Variants in CEP250 observed in about 807,000 individuals in gnomAD.
The protein encoded by CEP250 is centrosomal protein 250.
In CEP250, 242 loss-of-function variants were observed where a neutral mutation model predicts 315.7. The ratio of observed to expected loss-of-function variants is 0.77; its 90% CI spans 0.69 to 0.85. CEP250 has a LOEUF of 0.85. Among genes scored for constraint, CEP250 ranks in the 40% least tolerant of loss-of-function variants. CEP250 has a pLI of 0.00. For synonymous variants in CEP250, 1,088 were observed against 1,175.0 expected (o/e 0.93, Z 1.51); for missense variants, 2,515 against 2,886.4 (o/e 0.87, Z 2.95).
At chr20:35,508,827 C>T (rs979279153) in intron 32 of CEP250, 116 bp from the exon 33 acceptor site, 12 of 784,172 alleles carry the variant, frequency 1.5e-5, no homozygotes, top group Admixed American at 9.6e-5. Context: ...GTTCTCTTCC[C>T]ATGGTTACTG....
At chr20:35,498,773 C>A in intron 27 of CEP250, 57 bp downstream of exon 27, 1 of 1,503,222 alleles carries the variant, frequency 6.7e-7, no homozygotes, top group Admixed American at 2.5e-5. Context: ...AAGCATGAGG[C>A]AAAGGGGTGT....
At chr20:35,492,649 G>A (rs983025135) in intron 22 of CEP250, among the ~76,000 whole-genome samples, 2 of 152,178 alleles carry the variant, frequency 1.3e-5, no homozygotes, top group Admixed American at 6.5e-5. Flanking sequence ...CGAGTGGAGC[G>A]GTAGCCAGAA....
chr20:35,500,241 A>C (rs755720398), intron 28 of CEP250, 72 bp downstream of exon 28: 824 of 1,577,172 alleles, frequency 5.2e-4, no homozygotes, highest in Non-Finnish European at 6.8e-4. Flanking sequence ...AGTGGCAGGC[A>C]CAGGCCTAGC....
chr20:35,513,224 C>G lies in CEP250; in HGVS notation c.*1598C>G, dbSNP rs2064393634. The G allele has an allele frequency of 6.6e-6, 1 of 152,100 alleles. No homozygotes were observed. The highest frequency in any genetic ancestry group is 2.4e-5 in the African/African-American group (1 of 41,420). 9.4% of individuals were successfully genotyped at this position (152,100 alleles called of 1,614,324 possible). ...GTCAGATTCCCTGTAGCTTAAAATC[C>G]TTACCTGGCTTTTAGGCCATTTATT... is the stretch of plus-strand genomic sequence containing the variant. On this transcript the variant is annotated 3_prime_UTR_variant, in exon 35 of 35. Transcript: ENST00000397527.
rs1332999723 is a variant in CEP250 at position 35,490,698 on chromosome 20, A to C, written c.2648A>C (p.Glu883Ala). 1 of 1,613,696 alleles carries C rather than the reference A, an allele frequency of 6.2e-7. No homozygotes were observed. The highest frequency in any genetic ancestry group is 1.1e-5 in the South Asian group (1 of 91,054). ...AAGGCTCTGGAGAGCTTAGAAAGGG[A>C]AAAAATGGAGCTGGAAATGAGGCTA... ...LAKALESLER[E>A]KMELEMRLKE... Residue 883 changes from glutamate (E) to alanine (A), a missense_variant, in exon 21 of 35, where the codon GAA (glutamate) becomes GCA (alanine). Transcript: ENST00000397527.
At chr20:35,479,132 G>A (rs1398808710) in intron 17 of CEP250, 99 bp from the exon 18 acceptor site, 1 of 1,172,360 alleles carries the variant, frequency 8.5e-7, no homozygotes. Context: ...CACAGAGCTG[G>A]GTCCAGAATC....
rs2063219450 is a variant in CEP250, at chr20:35,477,922, G to A, written c.1915G>A (p.Ala639Thr). 21 of 1,605,506 alleles carry A rather than the reference G, an allele frequency of 1.3e-5. No homozygotes were observed. Among genetic ancestry groups the A allele is most frequent in the African/African-American group, 2.7e-5 (2 of 75,020 alleles). ...VCSRMEAAEQARNALQVDLAE... is the reference protein window; with the variant it reads ...VCSRMEAAEQTRNALQVDLAE... Reference sequence around the variant, plus strand: ...CAGCAGAATGGAGGCCGCAGAGCAGGCGAGAAATGCTTTGCAGGTCGACCT... The same window carrying A: ...CAGCAGAATGGAGGCCGCAGAGCAGACGAGAAATGCTTTGCAGGTCGACCT... Residue 639 changes from alanine to threonine, a missense_variant, in exon 17 of 35, where the codon GCG (alanine) becomes ACG (threonine). Coordinates refer to ENST00000397527, the MANE Select transcript of CEP250 (RefSeq NM_007186.6).
At chr20:35,472,199 CCCAGGTCTCCATGT>C (rs1250668664) in intron 11 of CEP250, 48 bp downstream of exon 11, 2 of 1,091,744 alleles carry the variant, frequency 1.8e-6, no homozygotes, top group Non-Finnish European at 2.8e-6. Context: ...GCCTCCACTC[CCCAGGTCTCCATGT>C]CCTTTCAGTC....
In CEP250 at chr20:35,497,800, G is replaced by A. The variant is rs1158173739; in HGVS notation, c.3388G>A (p.Ala1130Thr). 3.2e-6 allele frequency: 5 copies of A among 1,561,388 alleles called. No individual in the cohort carries two copies. The highest frequency in any genetic ancestry group is 4.3e-6 in the Non-Finnish European group (5 of 1,152,438). Residue 1130 changes from alanine (A) to threonine (T), a missense_variant, in exon 26 of 35, where the codon GCG becomes ACG. Ala to Thr is a moderately conservative substitution (Grantham distance 58). Coordinates refer to ENST00000397527, the MANE Select transcript of CEP250 (RefSeq NM_007186.6). The stretch of plus-strand genomic sequence containing the variant: ...AGCACAGCTGCTGGAGGAGCTGGAG[G>A]CGTCTCATATCACGGAGCAGCAGCT... ...QEAQLLEELE[A>T]SHITEQQLRA...
chr20:35,498,743 A>T, intron 27 of CEP250, 27 bp downstream of exon 27: 7 of 1,547,672 alleles, frequency 4.5e-6, no homozygotes, highest in Non-Finnish European at 6.1e-6. Flanking sequence ...CCCTTTCCCG[A>T]ACTCTTTACA....
chr20:35,470,174 A>G (rs529689683), intron 10 of CEP250, 188 bp downstream of exon 10: 5 of 615,848 alleles, frequency 8.1e-6, no homozygotes, highest in Non-Finnish European at 1.5e-5. Context: ...AATACTATTG[A>G]CTGTCTACTA....
intron 20 of CEP250, among the ~76,000 whole-genome samples, chr20:35,485,645 CTTTTTTTTTTT>C (rs782622070): frequency 8.3e-4 from 28 of 33,818 alleles, no homozygotes; most frequent in African/African-American, 1.1e-3. Context: ...GTCTGCCTGG[CTTTTTTTTTTT>C]TTTTTTTTTT....
chr20:35,456,113 T>C (rs1057217221), intron 1 of CEP250, among the ~76,000 whole-genome samples: 85 of 152,332 alleles, frequency 5.6e-4, no homozygotes, highest in Admixed American at 3.3e-3. Flanking sequence ...CAGGCTGATC[T>C]CGAACTCCCG....
Position 35,502,708 on chromosome 20 carries a change from C to G in CEP250, c.4339C>G (p.Leu1447Val), listed in dbSNP as rs567244502. The G allele has an allele frequency of 6.2e-7, 1 of 1,614,226 alleles. No individual in the cohort carries two copies. The highest frequency in any genetic ancestry group is 2.2e-5 in the East Asian group (1 of 44,894). The change falls in exon 30 of 35, where the codon CTG (leucine) becomes GTG (valine). Residue 1447 changes from leucine to valine, a missense_variant. Physicochemically the swap from Leu to Val is conservative, Grantham distance 32. Coordinates refer to ENST00000397527, the MANE Select transcript of CEP250 (RefSeq NM_007186.6). The part of the protein sequence containing the change: ...VETLRGQIQE[L>V]EKQREMQKAA... ...GACTCTGCGGGGACAAATCCAGGAACTGGAGAAGCAACGGGAAATGCAGAA... is the reference window on the plus strand; with the variant it reads ...GACTCTGCGGGGACAAATCCAGGAAGTGGAGAAGCAACGGGAAATGCAGAA...
intron 20 of CEP250, among the ~76,000 whole-genome samples, chr20:35,486,598 G>C (rs547279126): frequency 2.6e-4 from 40 of 152,138 alleles, no homozygotes; most frequent in African/African-American, 8.9e-4. Context: ...TTATTTTCCT[G>C]CTGGTTCTGT....
rs369539979 is a variant in CEP250 at position 35,519,166 on chromosome 20, A to C, written c.*7540A>C. On this transcript the variant is annotated 3_prime_UTR_variant, in exon 35 of 35. Coordinates refer to ENST00000397527, the MANE Select transcript of CEP250 (RefSeq NM_007186.6). ...TGTAAACTGTTAGTTCAATGAGGTT[A>C]TGATTGCACAACAATGTGAACATAC... 39 of 152,332 alleles carry C rather than the reference A, an allele frequency of 2.6e-4. No homozygotes were observed. Among genetic ancestry groups the C allele is most frequent in the African/African-American group, 8.7e-4 (36 of 41,584 alleles). 9.4% of individuals were successfully genotyped at this position (152,332 alleles called of 1,614,324 possible). A position where few individuals can be genotyped will look rare whatever the true frequency, so the allele number is the denominator to read the frequency against.
At position 35,514,277 on chromosome 20, in the gene CEP250, C is replaced by T. The variant is rs2064409380; in HGVS notation, c.*2651C>T. 1.3e-5 allele frequency: 2 copies of T among 152,302 alleles called. No homozygotes were observed. The highest frequency in any genetic ancestry group is 4.8e-5 in the African/African-American group (2 of 41,458). The allele number at this position is 152,302 out of a possible 1,614,324, so 9.4% of individuals were successfully genotyped here. A position where few individuals can be genotyped will look rare whatever the true frequency, so the allele number is the denominator to read the frequency against. Reference sequence around the variant, plus strand: ...AGTCCCTGGCAGTCCAGCCAGTTCTCGTGGATGTACTTGAGGAAGGTGCAA... The same window carrying T: ...AGTCCCTGGCAGTCCAGCCAGTTCTTGTGGATGTACTTGAGGAAGGTGCAA... On this transcript the variant is annotated 3_prime_UTR_variant, in exon 35 of 35. Transcript: ENST00000397527.
At chr20:35,464,814 C>T (rs1249101443) in intron 5 of CEP250, among the ~76,000 whole-genome samples, 5 of 151,840 alleles carry the variant, frequency 3.3e-5, no homozygotes, top group South Asian at 2.1e-4. Flanking sequence ...CCCAGCTACT[C>T]GGGAGGCTGA....
chr20:35,493,003 T>C (rs1469541723), intron 22 of CEP250, among the ~76,000 whole-genome samples: 2 of 152,092 alleles, frequency 1.3e-5, no homozygotes, highest in African/African-American at 2.4e-5. Context: ...GTTGGGATGA[T>C]AGGCGTGAGC....
Sources: allele counts gnomAD v4.1 joint callset (sites outside exome capture counted in the v4.1 genomes callset), GRCh38; gene constraint gnomAD v4.1.1; transcripts MANE v1.5; gene names NCBI Gene and HGNC (gene_info 2026-07-23, HGNC 2026-07-21).